Variants in SP4 observed in about 807,000 individuals in gnomAD.
SP4 encodes Sp4 transcription factor, also known as transcription factor Sp4.
SP4 carries 19 observed loss-of-function variants against 72.8 expected under a neutral mutation model. The ratio of observed to expected loss-of-function variants is 0.26; its 90% CI spans 0.18 to 0.38. The LOEUF (loss-of-function observed/expected upper bound fraction) is 0.38, where lower values mean the gene tolerates loss of function less well. Among genes scored for constraint, SP4 ranks in the 10% least tolerant of loss-of-function variants. The pLI is 1.00. For synonymous variants in SP4, 395 were observed against 333.1 expected (o/e 1.19, Z -2.02); for missense variants, 1,008 against 926.3 (o/e 1.09, Z -1.14).
At position 21,430,220 on chromosome 7, in the gene SP4, C is replaced by G; in HGVS notation, c.1055C>G (p.Ala352Gly). The G allele has an allele frequency of 6.2e-7, 1 of 1,614,196 alleles. No homozygotes were observed. The highest frequency in any genetic ancestry group is 8.5e-7 in the Non-Finnish European group (1 of 1,180,032). ...ACTGGCCAGTATGCAAGCACATCAG[C>G]CAGTAGTTCTGAACGCACCATTGAA... ...ADTGQYASTSASSSERTIEES... is the reference protein window; with the variant it reads ...ADTGQYASTSGSSSERTIEES... The change falls in exon 3 of 6, where the codon GCC (alanine) becomes GGC (glycine). Residue 352 changes from alanine to glycine, a missense_variant. This residue lies in a region of SP4 where 893 missense variants were observed against 743.3 expected (regional missense o/e 1.20). Transcript: ENST00000222584.
chr7:21,478,447 A>G (rs1483919795), intron 4 of SP4, among the ~76,000 whole-genome samples: 2 of 152,184 alleles, frequency 1.3e-5, no homozygotes, highest in Non-Finnish European at 2.9e-5. Context: ...GAACTTACCG[A>G]CTGTTTTCCA....
intron 3 of SP4, among the ~76,000 whole-genome samples, chr7:21,475,685 G>C (rs142742884): frequency 2.0e-5 from 3 of 151,918 alleles, no homozygotes; most frequent in African/African-American, 7.3e-5. Flanking sequence ...GGATGGTCTC[G>C]ATCTCCTGAC....
intron 3 of SP4, among the ~76,000 whole-genome samples, chr7:21,444,927 C>G (rs1783374387): frequency 6.6e-6 from 1 of 152,178 alleles, no homozygotes; most frequent in Non-Finnish European, 1.5e-5. Flanking sequence ...GAAACAGATT[C>G]CTAGATCTTT....
At chr7:21,503,556 T>C (rs1339844259) in intron 5 of SP4, among the ~76,000 whole-genome samples, 1 of 152,208 alleles carries the variant, frequency 6.6e-6, no homozygotes, top group East Asian at 1.9e-4. Context: ...TGAGGTAAAG[T>C]GGCTTCCATT....
intron 5 of SP4, among the ~76,000 whole-genome samples, chr7:21,483,803 T>G (rs1784748021): frequency 6.6e-6 from 1 of 151,804 alleles, no homozygotes; most frequent in African/African-American, 2.4e-5. Flanking sequence ...TTTTTTTTCT[T>G]TTTTTGCCCA....
At position 21,430,236 on chromosome 7, in the gene SP4, C is replaced by G; in HGVS notation, c.1071C>G (p.Arg357=). The change falls in exon 3 of 6, where the codon CGC becomes CGG. Residue 357 remains arginine (R), a synonymous_variant. Coordinates refer to ENST00000222584, the MANE Select transcript of SP4 (RefSeq NM_003112.5). ...GCACATCAGCCAGTAGTTCTGAACG[C>G]ACCATTGAAGAATCTCAAACACCTG... ...YASTSASSSE[R]TIEESQTPAA... is the part of the protein sequence containing the mutation. 1 of 1,614,156 alleles carries G rather than the reference C, an allele frequency of 6.2e-7. No individual in the cohort carries two copies. The highest frequency in any genetic ancestry group is 8.5e-7 in the Non-Finnish European group (1 of 1,180,034).
chr7:21,498,673 C>G (rs907275882), intron 5 of SP4, among the ~76,000 whole-genome samples: 1 of 152,170 alleles, frequency 6.6e-6, no homozygotes, highest in Non-Finnish European at 1.5e-5. Flanking sequence ...TTTGACTCCC[C>G]TAAAACTTAA....
intron 3 of SP4, among the ~76,000 whole-genome samples, chr7:21,449,989 T>A (rs1456822198): frequency 1.3e-5 from 2 of 152,012 alleles, no homozygotes; most frequent in Non-Finnish European, 2.9e-5. Flanking sequence ...AACTAAAATT[T>A]AAAATTTAAT....
At position 21,511,340 on chromosome 7, in the gene SP4, G is replaced by C. The variant is rs1562635192; in HGVS notation, c.*71G>C. The C allele has an allele frequency of 1.6e-5, 23 of 1,445,610 alleles. No individual in the cohort carries two copies. The highest frequency in any genetic ancestry group is 2.1e-5 in the Non-Finnish European group (22 of 1,054,848). The allele number at this position is 1,445,610 out of a possible 1,614,324, so 89.5% of individuals were successfully genotyped here. ...ACCTTTGAAAATCTGGAAATGGGCTGGTCAAGTGGATTACAGAGTAGGAAA... is the reference window on the plus strand; with the variant it reads ...ACCTTTGAAAATCTGGAAATGGGCTCGTCAAGTGGATTACAGAGTAGGAAA... On this transcript the variant is annotated 3_prime_UTR_variant, in exon 6 of 6. Coordinates refer to ENST00000222584, the MANE Select transcript of SP4 (RefSeq NM_003112.5).
chr7:21,430,749 A>G lies in SP4; in HGVS notation c.1584A>G (p.Ala528=). The change falls in exon 3 of 6, where the codon GCA becomes GCG. Residue 528 remains alanine, a synonymous_variant. Transcript: ENST00000222584. Reference sequence around the variant, plus strand: ...TAACTTTGAATACTGCCCAGCTTGCATCAGTGCCTAACCTTCAGACAGTGA... The same window carrying G: ...TAACTTTGAATACTGCCCAGCTTGCGTCAGTGCCTAACCTTCAGACAGTGA... ...APITLNTAQL[A]SVPNLQTVSV... 6.2e-7 allele frequency: 1 copy of G among 1,614,214 alleles called. No individual in the cohort carries two copies. Among genetic ancestry groups the G allele is most frequent in the Non-Finnish European group, 8.5e-7 (1 of 1,180,044 alleles).
At chr7:21,482,360 A>G (rs1003965770) in intron 5 of SP4, among the ~76,000 whole-genome samples, 2 of 152,204 alleles carry the variant, frequency 1.3e-5, no homozygotes, top group African/African-American at 4.8e-5. Flanking sequence ...AATTTATTCC[A>G]TTTGTTTATA....
intron 3 of SP4, among the ~76,000 whole-genome samples, chr7:21,458,360 T>C (rs1420607189): frequency 6.6e-6 from 1 of 152,158 alleles, no homozygotes; most frequent in Non-Finnish European, 1.5e-5. Flanking sequence ...GCCTGGCTAA[T>C]TTTTGTAAAG....
chr7:21,488,116 C>G (rs1015344995), intron 5 of SP4, among the ~76,000 whole-genome samples: 1 of 152,150 alleles, frequency 6.6e-6, no homozygotes, highest in Non-Finnish European at 1.5e-5. Context: ...CCATCCTCCT[C>G]AGCCTCCTGG....
At chr7:21,457,215 A>T (rs1783794635) in intron 3 of SP4, among the ~76,000 whole-genome samples, 1 of 152,216 alleles carries the variant, frequency 6.6e-6, no homozygotes, top group Non-Finnish European at 1.5e-5. Context: ...GATAAAGAAT[A>T]ATCTGGTCCC....
At chr7:21,455,006 C>G (rs925901740) in intron 3 of SP4, among the ~76,000 whole-genome samples, 1 of 152,142 alleles carries the variant, frequency 6.6e-6, no homozygotes, top group Non-Finnish European at 1.5e-5. Context: ...TTTTACTTGC[C>G]ACATCTAGAG....
chr7:21,488,372 G>C (rs1037138459), intron 5 of SP4, among the ~76,000 whole-genome samples: 5 of 151,682 alleles, frequency 3.3e-5, no homozygotes, highest in Admixed American at 2.6e-4. Context: ...CTCCCTCCCA[G>C]CAGAAGACAT....
chr7:21,433,154 A>C (rs1304099065), intron 3 of SP4, among the ~76,000 whole-genome samples: 1 of 152,160 alleles, frequency 6.6e-6, no homozygotes, highest in Non-Finnish European at 1.5e-5. Flanking sequence ...TTATTTCACA[A>C]GTGTGTATTG....
At chr7:21,497,754 G>A (rs1022572501) in intron 5 of SP4, among the ~76,000 whole-genome samples, 2 of 152,198 alleles carry the variant, frequency 1.3e-5, no homozygotes, top group African/African-American at 4.8e-5. Context: ...TCTATTTATA[G>A]ATGATAGTTA....
At chr7:21,445,497 AT>A (rs1020681500) in intron 3 of SP4, among the ~76,000 whole-genome samples, 5 of 152,158 alleles carry the variant, frequency 3.3e-5, no homozygotes, top group African/African-American at 1.2e-4. Context: ...GATAAATAAT[AT>A]TTAGTATCTG....
Sources: gnomAD v4.1 joint callset for allele counts (sites outside exome capture counted in the v4.1 genomes callset) on GRCh38, gnomAD v4.1.1 for gene constraint, gnomAD v4.1.1 regional missense constraint, MANE v1.5 for transcripts, NCBI Gene and HGNC (gene_info 2026-07-23, HGNC 2026-07-21) for gene names.